Variants in MEI4 observed in about 807,000 individuals in gnomAD.
MEI4 encodes the protein meiosis-specific protein MEI4.
A neutral mutation model predicts 31.4 loss-of-function variants in MEI4; 27 were observed. The ratio of observed to expected loss-of-function variants is 0.86; its 90% CI spans 0.63 to 1.19. The LOEUF is 1.19. MEI4 is among the 50% of genes most tolerant of loss of function. MEI4 has a pLI of 0.00. For synonymous variants in MEI4, 122 were observed against 145.4 expected, an observed-to-expected ratio of 0.84 and a Z score of 1.16; for missense variants, 329 against 398.9, an observed-to-expected ratio of 0.82 and a Z score of 1.49.
intron 3 of MEI4, among the ~76,000 whole-genome samples, chr6:77,787,812 T>A (rs1382357781): frequency 6.6e-6 from 1 of 152,138 alleles, no homozygotes; most frequent in African/African-American, 2.4e-5. Flanking sequence ...CACATGAAAT[T>A]AGAAAAATAA....
At chr6:77,856,626 C>A (rs1446389562) in intron 4 of MEI4, among the ~76,000 whole-genome samples, 1 of 152,208 alleles carries the variant, frequency 6.6e-6, no homozygotes, top group Non-Finnish European at 1.5e-5. Context: ...AGGTTCCCAG[C>A]ATTGGTCCTC....
At chr6:77,788,079 C>G (rs1169851058) in intron 3 of MEI4, among the ~76,000 whole-genome samples, 1 of 151,936 alleles carries the variant, frequency 6.6e-6, no homozygotes, top group Non-Finnish European at 1.5e-5. Context: ...AGGAATGGTA[C>G]CAGCAGGGCT....
Position 77,923,217 on chromosome 6 carries a change from C to A in MEI4, c.1029C>A (p.Ile343=), listed in dbSNP as rs200375026. 88 of 1,230,378 alleles carry A rather than the reference C, an allele frequency of 7.2e-5. No individual in the cohort carries two copies. The highest frequency in any genetic ancestry group is 8.8e-5 in the Non-Finnish European group (87 of 986,912). The allele number at this position is 1,230,378 out of a possible 1,614,324, so 76.2% of individuals were successfully genotyped here. ...GTATAGGTCATGATGACCAAGAAAT[C>A]AAGAAATTTCTTCAGAAGCATGATG... ...TSSIGHDDQE[I]KKFLQKHDET... Residue 343 remains isoleucine (I), a synonymous_variant, in exon 5 of 5, where the codon ATC becomes ATA. Transcript: ENST00000684080.
At chr6:77,662,912 T>C (rs1035442605) in intron 1 of MEI4, among the ~76,000 whole-genome samples, 6 of 152,194 alleles carry the variant, frequency 3.9e-5, no homozygotes, top group Non-Finnish European at 8.8e-5. Flanking sequence ...GGGGGCTGTC[T>C]GTGAAGCTTT....
chr6:77,875,713 A>T (rs563902908), intron 4 of MEI4, among the ~76,000 whole-genome samples: 8 of 152,282 alleles, frequency 5.3e-5, no homozygotes, highest in African/African-American at 1.7e-4. Context: ...ACATAATTTA[A>T]CAGATTTTGA....
intron 4 of MEI4, among the ~76,000 whole-genome samples, chr6:77,922,621 C>A (rs1766730453): frequency 6.6e-6 from 1 of 151,698 alleles, no homozygotes; most frequent in African/African-American, 2.4e-5. Context: ...AATGCTACCC[C>A]TCCCTGAGTT....
At chr6:77,736,086 G>A (rs942340137) in intron 2 of MEI4, among the ~76,000 whole-genome samples, 2 of 152,058 alleles carry the variant, frequency 1.3e-5, no homozygotes, top group African/African-American at 4.8e-5. Flanking sequence ...CTGTCTTTTT[G>A]TTTGTCTGTG....
At chr6:77,831,423 G>A (rs1390057484) in intron 4 of MEI4, among the ~76,000 whole-genome samples, 1 of 151,514 alleles carries the variant, frequency 6.6e-6, no homozygotes, top group African/African-American at 2.4e-5. Context: ...AGAAAGGAGA[G>A]ATACCGGCAC....
chr6:77,830,313 G>C (rs1236282020), intron 4 of MEI4, among the ~76,000 whole-genome samples: 1 of 152,062 alleles, frequency 6.6e-6, no homozygotes, highest in Non-Finnish European at 1.5e-5. Context: ...TGGAAAGTGA[G>C]TTTAATTGAA....
At chr6:77,656,506 G>A (rs1021909571) in intron 1 of MEI4, among the ~76,000 whole-genome samples, 4 of 152,030 alleles carry the variant, frequency 2.6e-5, no homozygotes, top group Admixed American at 2.0e-4. Context: ...GCATCAGTTT[G>A]TATTTTATGT....
intron 2 of MEI4, among the ~76,000 whole-genome samples, chr6:77,714,974 C>T (rs9294079): frequency 0.81 from 123,214 of 152,190 alleles, 50,135 homozygotes; most frequent in East Asian, 0.95. Context: ...CCCTGCGTTT[C>T]CTGAGTTCTC....
chr6:77,754,736 A>C (rs562599559), intron 2 of MEI4, among the ~76,000 whole-genome samples: 16 of 152,198 alleles, frequency 1.1e-4, no homozygotes, highest in Admixed American at 1.0e-3. Flanking sequence ...GGGTGGCCTC[A>C]GGGAACCCAC....
intron 2 of MEI4, among the ~76,000 whole-genome samples, chr6:77,732,984 A>G (rs1222339871): frequency 1.3e-5 from 2 of 151,188 alleles, no homozygotes; most frequent in East Asian, 4.3e-4. Context: ...AGCCCACTTG[A>G]TGATGGTGGA....
intron 2 of MEI4, among the ~76,000 whole-genome samples, chr6:77,698,887 G>T (rs553500680): frequency 2.0e-5 from 3 of 151,966 alleles, no homozygotes; most frequent in Admixed American, 6.6e-5. Context: ...CCATTCTCCC[G>T]GTCACTTTCA....
intron 2 of MEI4, among the ~76,000 whole-genome samples, chr6:77,734,940 T>G (rs1767139939): frequency 6.6e-6 from 1 of 152,000 alleles, no homozygotes; most frequent in Non-Finnish European, 1.5e-5. Flanking sequence ...AATTCTTTTC[T>G]TTAAGAATGT....
chr6:77,821,710 G>A (rs888055454), intron 3 of MEI4, among the ~76,000 whole-genome samples: 3 of 147,562 alleles, frequency 2.0e-5, no homozygotes, highest in East Asian at 4.0e-4. Context: ...CAGGAGAATC[G>A]CTTGAATCCC....
At chr6:77,660,823 G>A (rs928225668) in intron 1 of MEI4, among the ~76,000 whole-genome samples, 1 of 152,114 alleles carries the variant, frequency 6.6e-6, no homozygotes, top group Admixed American at 6.5e-5. Context: ...GCAGGCGGAC[G>A]GCAGTCAGGG....
intron 2 of MEI4, among the ~76,000 whole-genome samples, chr6:77,751,473 CAG>C (rs1354898562): frequency 6.6e-6 from 1 of 152,102 alleles, no homozygotes; most frequent in East Asian, 1.9e-4. Context: ...AAACTACCAA[CAG>C]AGAATTTGCA....
intron 4 of MEI4, among the ~76,000 whole-genome samples, chr6:77,848,750 C>A (rs1770543671): frequency 6.6e-6 from 1 of 152,184 alleles, no homozygotes; most frequent in African/African-American, 2.4e-5. Context: ...AGTCTCAACT[C>A]TAATTATGAT....
Sources: gnomAD v4.1 joint callset for allele counts (sites outside exome capture counted in the v4.1 genomes callset) on GRCh38, gnomAD v4.1.1 for gene constraint, MANE v1.5 for transcripts, NCBI Gene and HGNC (gene_info 2026-07-23, HGNC 2026-07-21) for gene names.